MID1: variants seen among roughly 807,000 people sequenced by gnomAD.
The protein encoded by MID1 is E3 ubiquitin-protein ligase Midline-1.
Under a neutral mutation model 40.4 loss-of-function variants are expected in MID1, and 7 were observed. The observed-to-expected ratio is 0.17, with a 90% CI of 0.10 to 0.33. The LOEUF (loss-of-function observed/expected upper bound fraction) is 0.33. Among genes scored for constraint, MID1 ranks in the 10% least tolerant of loss-of-function variants. The probability of loss-of-function intolerance (pLI) is 1.00; values close to 1 mark genes in which losing one functional copy is unlikely to be tolerated. For synonymous variants in MID1, 229 were observed against 221.2 expected (o/e 1.04, Z -0.31); for missense variants, 367 against 558.5 (o/e 0.66, Z 3.46).
chrX:10,746,500 C>T (rs1394144583), intron 1 of MID1, among the ~76,000 whole-genome samples: 1 of 111,912 alleles, frequency 8.9e-6, no homozygotes, highest in Non-Finnish European at 1.9e-5. Context: ...CCAATAAAAT[C>T]ATTCACATAC....
chrX:10,471,100 T>C (rs1468918698), intron 6 of MID1, among the ~76,000 whole-genome samples: 1 of 111,581 alleles, frequency 9.0e-6, no homozygotes, highest in Non-Finnish European at 1.9e-5. Flanking sequence ...TGACCTCTGG[T>C]TTAGAGAATT....
intron 1 of MID1, among the ~76,000 whole-genome samples, chrX:10,647,071 T>C (rs770850628): frequency 1.8e-5 from 2 of 111,870 alleles, no homozygotes; most frequent in South Asian, 7.6e-4. Flanking sequence ...AATGACCAAA[T>C]CTTTTTATGG....
At chrX:10,824,307 T>C (rs1019271183) in intron 1 of MID1, among the ~76,000 whole-genome samples, 2 of 112,211 alleles carry the variant, frequency 1.8e-5, no homozygotes, top group African/African-American at 3.2e-5. Flanking sequence ...CCATTTTTCA[T>C]TGATTGTAAT....
At chrX:10,661,296 T>C (rs1052415437) in intron 1 of MID1, among the ~76,000 whole-genome samples, 1 of 109,586 alleles carries the variant, frequency 9.1e-6, no homozygotes, top group Non-Finnish European at 1.9e-5. Flanking sequence ...TTTTGCAAAC[T>C]CTTGTGTGTC....
Position 10,482,525 on chromosome X carries a change from T to C in MID1, c.968A>G (p.Asn323Ser), listed in dbSNP as rs1602284534. ...ISQAEHSLKE[N>S]DHARFLQTAK... ...AGTCTGTAGGAAACGCGCATGATCA[T>C]TCTCCTTCAGAGAGTGTTCCGCTTG... The change falls in exon 5 of 10, where the codon AAT becomes AGT. Residue 323 changes from asparagine to serine, a missense_variant. Physicochemically the swap from Asn to Ser is conservative, Grantham distance 46 (BLOSUM62 1). Transcript: ENST00000317552. The C allele has an allele frequency of 1.7e-6, 2 of 1,209,385 alleles. No individual in the cohort carries two copies. The highest frequency in any genetic ancestry group is 1.7e-5 in the African/African-American group (1 of 57,332).
At chrX:10,707,133 A>C (rs1320957601) in intron 1 of MID1, among the ~76,000 whole-genome samples, 3 of 111,819 alleles carry the variant, frequency 2.7e-5, no homozygotes, top group African/African-American at 9.7e-5. Context: ...TTACACAACA[A>C]AAATTTTATT....
chrX:10,638,413 A>G (rs963373823), intron 1 of MID1, among the ~76,000 whole-genome samples: 5 of 112,005 alleles, frequency 4.5e-5, no homozygotes, highest in Non-Finnish European at 7.5e-5. Flanking sequence ...CACTGCTAGC[A>G]CAGCAATCTG....
intron 1 of MID1, among the ~76,000 whole-genome samples, chrX:10,692,757 G>A (rs1472473776): frequency 8.9e-6 from 1 of 112,016 alleles, no homozygotes; most frequent in Non-Finnish European, 1.9e-5. Context: ...TGTGTAGCTA[G>A]TGGCTACCAT....
chrX:10,768,726 G>A (rs936429166), intron 1 of MID1, among the ~76,000 whole-genome samples: 1 of 111,969 alleles, frequency 8.9e-6, no homozygotes, highest in Non-Finnish European at 1.9e-5. Flanking sequence ...GGTCCTTGGG[G>A]GCAGTGTTAA....
chrX:10,501,286 A>C, intron 3 of MID1: 1 of 657,778 alleles, frequency 1.5e-6, no homozygotes, highest in Non-Finnish European at 2.3e-6. Flanking sequence ...CCTCAATACT[A>C]TGGTTTTTTC....
In MID1 at chrX:10,567,235, C is replaced by T. The variant is rs1352145801; in HGVS notation, c.313G>A (p.Ala105Thr). 8.3e-7 allele frequency: 1 copy of T among 1,208,210 alleles called. No homozygotes were observed. Among genetic ancestry groups the T allele is most frequent in the South Asian group, 1.8e-5 (1 of 56,591 alleles). Reference sequence around the variant, plus strand: ...GAGGTCATGGTGTTGGCGTCAAAGGCCCGCTCCCGACGGGTCTCGCTGGGA... The same window carrying T: ...GAGGTCATGGTGTTGGCGTCAAAGGTCCGCTCCCGACGGGTCTCGCTGGGA... The part of the protein sequence containing the change: ...NSPSETRRER[A>T]FDANTMTSAE... The change falls in exon 2 of 10, where the codon GCC becomes ACC. Residue 105 changes from alanine to threonine, a missense_variant. Around this residue, in one of 3 missense-constraint regions of MID1, gnomAD observed 78 missense variants for 112.6 expected, o/e 0.69. Coordinates refer to ENST00000317552, the MANE Select transcript of MID1 (RefSeq NM_000381.4).
intron 7 of MID1, 157 bp from the exon 8 acceptor site, chrX:10,459,964 G>A: frequency 3.5e-6 from 2 of 564,247 alleles, no homozygotes. Context: ...CACTAACGTA[G>A]ATGTGGCAGA....
chrX:10,708,950 A>C (rs914642254), intron 1 of MID1, among the ~76,000 whole-genome samples: 2 of 112,590 alleles, frequency 1.8e-5, no homozygotes, highest in Non-Finnish European at 1.9e-5. Context: ...AATTATTTTC[A>C]CATATTTAGG....
At chrX:10,771,831 T>G (rs2043773003) in intron 1 of MID1, among the ~76,000 whole-genome samples, 1 of 110,106 alleles carries the variant, frequency 9.1e-6, no homozygotes, top group Non-Finnish European at 1.9e-5. Context: ...TTTTAATTGA[T>G]TATTAGTCAT....
chrX:10,593,618 T>C (rs148634047), intron 1 of MID1, among the ~76,000 whole-genome samples: 435 of 111,206 alleles, frequency 3.9e-3, no homozygotes, highest in Middle Eastern at 9.3e-3. Flanking sequence ...GGGAAAATGT[T>C]AGCTAAGATC....
At chrX:10,544,439 G>C (rs1341563243) in intron 2 of MID1, among the ~76,000 whole-genome samples, 2 of 111,910 alleles carry the variant, frequency 1.8e-5, no homozygotes, top group Non-Finnish European at 3.8e-5. Context: ...GGCCTCTTTT[G>C]AGGAGGGGAA....
At chrX:10,680,426 T>C (rs2043051232) in intron 1 of MID1, among the ~76,000 whole-genome samples, 1 of 112,118 alleles carries the variant, frequency 8.9e-6, no homozygotes, top group South Asian at 3.7e-4. Context: ...CGTGTTTGCA[T>C]AATCACTTTA....
At chrX:10,675,416 T>G (rs533787122) in intron 1 of MID1, among the ~76,000 whole-genome samples, 3 of 109,565 alleles carry the variant, frequency 2.7e-5, no homozygotes, top group Non-Finnish European at 5.7e-5. Flanking sequence ...GTGCGCAGAG[T>G]TTTTAGGAAT....
chrX:10,761,964 T>C (rs1281239005), intron 1 of MID1, among the ~76,000 whole-genome samples: 2 of 111,965 alleles, frequency 1.8e-5, no homozygotes, highest in African/African-American at 3.2e-5. Context: ...TAGAAATAGA[T>C]TGGCTTTAAC....
Sources: gnomAD v4.1 joint callset for allele counts (sites outside exome capture counted in the v4.1 genomes callset) on GRCh38, gnomAD v4.1.1 for gene constraint, gnomAD v4.1.1 regional missense constraint, MANE v1.5 for transcripts, NCBI Gene and HGNC (gene_info 2026-07-23, HGNC 2026-07-21) for gene names.